Variants in SH3TC1 observed in about 807,000 individuals in gnomAD.
SH3TC1 encodes the protein SH3 domain and tetratricopeptide repeats 1.
SH3TC1 carries 135 observed loss-of-function variants against 117.3 expected under a neutral mutation model. That is an observed-to-expected ratio of 1.15 (90% confidence interval 1.00 to 1.33). The LOEUF is 1.33. SH3TC1 is among the 40% of genes most tolerant of loss of function. The probability of loss-of-function intolerance (pLI) is 0.00; values close to 1 mark genes in which losing one functional copy is unlikely to be tolerated. For synonymous variants in SH3TC1, 898 were observed against 816.9 expected (o/e 1.10, Z -1.69); for missense variants, 2,092 against 1,794.3 (o/e 1.17, Z -3.00).
At chr4:8,232,181 G>A in intron 13 of SH3TC1, 25 bp downstream of exon 13, 4 of 707,454 alleles carry the variant, frequency 5.7e-6, no homozygotes, top group Middle Eastern at 5.6e-4. Flanking sequence ...TGTGGTGGTG[G>A]GGGCGGGGGG....
chr4:8,197,676 A>G (rs1717602990), upstream of SH3TC1, among the ~76,000 whole-genome samples: 1 of 152,144 alleles, frequency 6.6e-6, no homozygotes, highest in South Asian at 2.1e-4. Context: ...TGGGCCCCTA[A>G]GGGGCTTGGG....
In SH3TC1 at chr4:8,209,611, G is replaced by A. The variant is rs1351910781; in HGVS notation, c.173-137G>A. 2 of 1,537,236 alleles carry A rather than the reference G, an allele frequency of 1.3e-6. No individual in the cohort carries two copies. Among genetic ancestry groups the A allele is most frequent in the Non-Finnish European group, 1.7e-6 (2 of 1,145,522 alleles). ...TGGGCTCTGGGGAGACTGGAGGAAG[G>A]CAGCTGTGGGAAAGGCGGCTCGTGC... On this transcript the variant is annotated intron_variant, in intron 2 of 17. Coordinates refer to ENST00000245105, the MANE Select transcript of SH3TC1 (RefSeq NM_018986.5). This position sits in a 1 kb window ranked among gnomAD's most constrained non-coding sequence, Gnocchi z 5.9.
intron 1 of SH3TC1, among the ~76,000 whole-genome samples, chr4:8,185,962 C>T (rs951565841): frequency 7.9e-5 from 12 of 152,208 alleles, no homozygotes; most frequent in African/African-American, 2.7e-4. Context: ...GCTGCCACTC[C>T]AGGAGGTGCC....
Position 8,231,337 on chromosome 4 carries a change from C to T in SH3TC1, c.2951-639C>T, listed in dbSNP as rs140660611. The T allele has an allele frequency of 4.2e-3, 644 of 153,212 alleles. 3 individuals carry two copies. Among genetic ancestry groups the T allele is most frequent in the Non-Finnish European group, 6.2e-3 (425 of 68,696 alleles). The allele number at this position is 153,212 out of a possible 1,614,324, so 9.5% of individuals were successfully genotyped here. ...CCTGTCTTGGGGAATGTCCCATGGG[C>T]GCTTGAGAGGACTGTGTATTCTGCC... On this transcript the variant is annotated intron_variant, in intron 12 of 17. Coordinates refer to ENST00000245105, the MANE Select transcript of SH3TC1 (RefSeq NM_018986.5).
chr4:8,196,798 C>T (rs777726466), upstream of SH3TC1, among the ~76,000 whole-genome samples: 2 of 152,080 alleles, frequency 1.3e-5, no homozygotes, highest in African/African-American at 4.8e-5. The surrounding 1 kb of genome is among the most constrained non-coding windows in gnomAD (Gnocchi z 4.6). Flanking sequence ...CCAGGAGGGG[C>T]TTCAGGATGG....
Position 8,232,176 on chromosome 4 carries a change from TGGTGGGGGCGGGG to T in SH3TC1, c.3131+23_3131+35del. On this transcript the variant is annotated intron_variant, in intron 13 of 17. Transcript: ENST00000245105. ...CGAGCGGTGAGGGCTGGCTCTGTGG[TGGTGGGGGCGGGG>T]GGAGGGGGCAAAGGGGGCGGCGGGG... 1 of 123,814 alleles carries T rather than the reference TGGTGGGGGCGGGG, an allele frequency of 8.1e-6. No homozygotes were observed. The highest frequency in any genetic ancestry group is 1.1e-5 in the Non-Finnish European group (1 of 88,164). The allele number at this position is 123,814 out of a possible 1,614,324, so 7.7% of individuals were successfully genotyped here.
chr4:8,237,788 G>C (rs1385611081), intron 17 of SH3TC1, 118 bp downstream of exon 17: 3 of 1,146,946 alleles, frequency 2.6e-6, no homozygotes, highest in African/African-American at 1.6e-5. Flanking sequence ...GGCCTCCCTG[G>C]AGCGCTGCGC....
chr4:8,200,223 T>C (rs1717741447), intron 1 of SH3TC1, among the ~76,000 whole-genome samples: 1 of 152,190 alleles, frequency 6.6e-6, no homozygotes, highest in Non-Finnish European at 1.5e-5. Flanking sequence ...ACTCAGGGTG[T>C]GGCCTCCCAG....
intron 10 of SH3TC1, among the ~76,000 whole-genome samples, chr4:8,223,499 A>G (rs2086270): frequency 0.72 from 110,290 of 152,212 alleles, 40,102 homozygotes; most frequent in East Asian, 0.82. Context: ...CTCTGTGTGC[A>G]AAAGCTTTCT....
Position 8,225,325 on chromosome 4 carries a change from C to T in SH3TC1, c.1285+109C>T. 7.9e-7 allele frequency: 1 copy of T among 1,261,234 alleles called. No homozygotes were observed. Among genetic ancestry groups the T allele is most frequent in the Non-Finnish European group, 1.1e-6 (1 of 890,590 alleles). The allele number at this position is 1,261,234 out of a possible 1,614,324, so 78.1% of individuals were successfully genotyped here. A position where few individuals can be genotyped will look rare whatever the true frequency, so the allele number is the denominator to read the frequency against. On this transcript the variant is annotated intron_variant, in intron 11 of 17. Transcript: ENST00000245105. The surrounding 1 kb of genome is among the most constrained non-coding windows in gnomAD (Gnocchi z 5.5). ...CGGTGGGCATTGGGTGCGGCTGTCACCCCTCTGTGGTGTGGGCTGGGGGCT... is the reference window on the plus strand; with the variant it reads ...CGGTGGGCATTGGGTGCGGCTGTCATCCCTCTGTGGTGTGGGCTGGGGGCT...
intron 12 of SH3TC1, chr4:8,231,342 G>C (rs1467118166): frequency 6.5e-6 from 1 of 153,388 alleles, no homozygotes; most frequent in Admixed American, 6.4e-5. Flanking sequence ...ATGGGCGCTT[G>C]AGAGGACTGT....
In SH3TC1 at chr4:8,186,930, C is replaced by A. The variant is rs1408023236; in HGVS notation, c.-57+4720C>A. Among the ~76,000 whole-genome samples the A allele has an allele frequency of 7.4e-6, 1 of 135,524 alleles. No homozygotes were observed. Among genetic ancestry groups the A allele is most frequent in the Non-Finnish European group, 1.5e-5 (1 of 64,560 alleles). The allele number at this position is 135,524 out of a possible 152,430, so 88.9% of individuals were successfully genotyped here. A position where few individuals can be genotyped will look rare whatever the true frequency, so the allele number is the denominator to read the frequency against. On this transcript the variant is annotated intron_variant, in intron 1 of 16. Transcript: ENST00000508641. The surrounding 1 kb of genome is among the most constrained non-coding windows in gnomAD (Gnocchi z 5.2). ...CTGCACTCCAGCCTGGGTGACAGGG[C>A]AAGACTACGTCTCAAAAAAAAAAAA...
intron 1 of SH3TC1, among the ~76,000 whole-genome samples, chr4:8,189,640 T>C (rs926449751): frequency 5.3e-5 from 8 of 151,974 alleles, no homozygotes; most frequent in Non-Finnish European, 1.2e-4. Context: ...AAGTGCCCTG[T>C]GGTGCCATCT....
At position 8,237,617 on chromosome 4, in the gene SH3TC1, T is replaced by C. The variant is rs1485675780; in HGVS notation, c.3700T>C (p.Tyr1234His). The C allele has an allele frequency of 6.2e-7, 1 of 1,612,350 alleles. No individual in the cohort carries two copies. The highest frequency in any genetic ancestry group is 1.1e-5 in the South Asian group (1 of 90,816). ...GCTGGAGTTTGACGAGGAGACCCTC[T>C]ACTACGTGAAGGTGTACCTGGTGCT... ...SPLEFDEETL[Y>H]YVKVYLVLGD... The change falls in exon 17 of 18, where the codon TAC (tyrosine) becomes CAC (histidine). Residue 1234 changes from tyrosine (Y) to histidine (H), a missense_variant. Physicochemically the swap from Tyr to His is moderately conservative, Grantham distance 83. Coordinates refer to ENST00000245105, the MANE Select transcript of SH3TC1 (RefSeq NM_018986.5).
rs1718176869 is a variant in SH3TC1 at position 8,206,010 on chromosome 4, A to C, written c.172+644A>C. On this transcript the variant is annotated intron_variant, in intron 2 of 17. Coordinates refer to ENST00000245105, the MANE Select transcript of SH3TC1 (RefSeq NM_018986.5). This position sits in a 1 kb window ranked among gnomAD's most constrained non-coding sequence, Gnocchi z 5.5. ...CCTCGTCCTCCCAGTGTCCAGCCTC[A>C]GCCCAGTCTCCTCTTAGCTGCCTAT... The C allele has an allele frequency of 6.0e-6, 2 of 333,864 alleles. No homozygotes were observed. The highest frequency in any genetic ancestry group is 1.1e-5 in the Non-Finnish European group (2 of 180,708). The allele number at this position is 333,864 out of a possible 1,614,324, so 20.7% of individuals were successfully genotyped here.
In SH3TC1 at chr4:8,206,439, C is replaced by G. The variant is rs1256576361; in HGVS notation, c.172+1073C>G. Among the ~76,000 whole-genome samples, 5 of 152,004 alleles carry G rather than the reference C, an allele frequency of 3.3e-5. No homozygotes were observed. Among genetic ancestry groups the G allele is most frequent in the African/African-American group, 1.2e-4 (5 of 41,380 alleles). ...GAGTGCACAAGGAGACTGAGACGCG[C>G]AGGAGGGCCCTGGCCAGCCTCCCAC... On this transcript the variant is annotated intron_variant, in intron 2 of 17. Transcript: ENST00000245105. This position sits in a 1 kb window ranked among gnomAD's most constrained non-coding sequence, Gnocchi z 5.5.
At chr4:8,215,030 CA>C (rs1719115860) in intron 5 of SH3TC1, 3 of 421,456 alleles carry the variant, frequency 7.1e-6, no homozygotes, top group Non-Finnish European at 1.5e-5. Flanking sequence ...AAGATAACAA[CA>C]CTGGTGTGCG....
Position 8,227,728 on chromosome 4 carries a change from C to A in SH3TC1, c.2034C>A (p.Leu678=). The change falls in exon 12 of 18, where the codon CTC becomes CTA. Residue 678 remains leucine, a synonymous_variant. Coordinates refer to ENST00000245105, the MANE Select transcript of SH3TC1 (RefSeq NM_018986.5). ...TGCTGGCCAGGCACCACGTGCACCT[C>A]AAGCAGCCCGAGGAGGCCCTGCCCT... ...CFLLARHHVH[L]KQPEEALPFL... 6.3e-7 allele frequency: 1 copy of A among 1,594,426 alleles called. No homozygotes were observed. The highest frequency in any genetic ancestry group is 1.1e-5 in the South Asian group (1 of 88,220).
At chr4:8,239,258 CACACACAG>C (rs1164228417) in intron 17 of SH3TC1, among the ~76,000 whole-genome samples, 10 of 147,244 alleles carry the variant, frequency 6.8e-5, no homozygotes, top group East Asian at 5.8e-4. Flanking sequence ...GACACACACA[CACACACAG>C]AGACACATGC....
Sources: allele counts gnomAD v4.1 joint callset (sites outside exome capture counted in the v4.1 genomes callset), GRCh38; gene constraint gnomAD v4.1.1; non-coding constraint Gnocchi (gnomAD v3.1); transcripts MANE v1.5; gene names NCBI Gene and HGNC (gene_info 2026-07-23, HGNC 2026-07-21).